The following CDYL variants were observed in gnomAD, a reference collection of about 807,000 sequenced individuals.
The protein encoded by CDYL is chromodomain Y-like protein.
In CDYL, 8 loss-of-function variants were observed where a neutral mutation model predicts 47.3. That is an observed-to-expected ratio of 0.17 (90% confidence interval 0.10 to 0.31). The LOEUF (loss-of-function observed/expected upper bound fraction) is 0.31. Among genes scored for constraint, CDYL ranks in the 10% least tolerant of loss-of-function variants. The pLI, the probability that CDYL is intolerant of heterozygous loss-of-function variation, is 1.00. For missense variants in CDYL, 471 were observed against 701.4 expected, an observed-to-expected ratio of 0.67 and a Z score of 3.71; for synonymous variants, 266 against 265.0, an observed-to-expected ratio of 1.00 and a Z score of -0.04.
chr6:4,848,556 A>G (rs1174150013), intron 1 of CDYL, among the ~76,000 whole-genome samples: 1 of 152,262 alleles, frequency 6.6e-6, no homozygotes, highest in Non-Finnish European at 1.5e-5. Context: ...AAGGTCTTCG[A>G]CACAGGAGAG....
chr6:4,813,338 T>C (rs1759579553), intron 1 of CDYL, among the ~76,000 whole-genome samples: 2 of 152,230 alleles, frequency 1.3e-5, no homozygotes, highest in Non-Finnish European at 2.9e-5. Flanking sequence ...TTGTAGATAT[T>C]CTATCCAGAT....
intron 3 of CDYL, among the ~76,000 whole-genome samples, chr6:4,739,449 G>A (rs1254230495): frequency 6.7e-6 from 1 of 149,402 alleles, no homozygotes; most frequent in Non-Finnish European, 1.5e-5. Context: ...AATCTGGGAG[G>A]CAGAGGTTGC....
At chr6:4,837,757 G>A (rs57143473) in intron 1 of CDYL, among the ~76,000 whole-genome samples, 3,405 of 149,340 alleles carry the variant, frequency 0.023, 136 homozygotes, top group African/African-American at 0.079. Flanking sequence ...GAGCCACCGC[G>A]CCCGGCCTCT....
chr6:4,883,532 C>T (rs1761820628), intron 1 of CDYL, among the ~76,000 whole-genome samples: 1 of 152,204 alleles, frequency 6.6e-6, no homozygotes, highest in South Asian at 2.1e-4. Flanking sequence ...TACTCATGGC[C>T]ATGGCACAGA....
At chr6:4,890,330 G>C (rs990311930) in intron 1 of CDYL, among the ~76,000 whole-genome samples, 8 of 152,080 alleles carry the variant, frequency 5.3e-5, no homozygotes, top group Admixed American at 2.6e-4. Context: ...GGGAAAAATC[G>C]CTTTCAAGAG....
intron 2 of CDYL, among the ~76,000 whole-genome samples, chr6:4,925,959 C>T (rs1477690694): frequency 6.6e-6 from 1 of 152,180 alleles, no homozygotes; most frequent in Non-Finnish European, 1.5e-5. Context: ...TTATAACATA[C>T]AACTAGTTAG....
At chr6:4,851,496 T>G (rs1400326871) in intron 1 of CDYL, among the ~76,000 whole-genome samples, 2 of 152,236 alleles carry the variant, frequency 1.3e-5, no homozygotes, top group Admixed American at 6.5e-5. Context: ...CTGGGACAGC[T>G]CCTCTCTTGT....
intron 2 of CDYL, among the ~76,000 whole-genome samples, chr6:4,894,375 G>C (rs936097281): frequency 1.3e-5 from 2 of 152,204 alleles, no homozygotes; most frequent in Non-Finnish European, 2.9e-5. Context: ...ATGAGCTATA[G>C]TCCGTGGGCT....
At chr6:4,926,459 C>T (rs1477405585) in intron 2 of CDYL, among the ~76,000 whole-genome samples, 1 of 150,956 alleles carries the variant, frequency 6.6e-6, no homozygotes, top group Admixed American at 6.6e-5. Context: ...AGTTTTTGAA[C>T]TCTTTTTGCA....
intron 1 of CDYL, among the ~76,000 whole-genome samples, chr6:4,805,820 TTTCCTTAG>T (rs1759352766): frequency 6.6e-6 from 1 of 152,232 alleles, no homozygotes; most frequent in African/African-American, 2.4e-5. Flanking sequence ...GCGGCTCTTC[TTTCCTTAG>T]TTCACTGATT....
chr6:4,741,434 T>G (rs1262186665), intron 3 of CDYL, among the ~76,000 whole-genome samples: 5 of 152,210 alleles, frequency 3.3e-5, no homozygotes, highest in African/African-American at 1.2e-4. Context: ...AAAAGAAACC[T>G]AGAGATAAGC....
chr6:4,915,613 C>G (rs1757535964), intron 2 of CDYL, among the ~76,000 whole-genome samples: 1 of 152,162 alleles, frequency 6.6e-6, no homozygotes, highest in Admixed American at 6.5e-5. Context: ...AACCAGATAC[C>G]AACTTCCAAC....
intron 6 of CDYL, 147 bp from the exon 7 acceptor site, chr6:4,953,751 G>A: frequency 2.9e-6 from 2 of 701,586 alleles, no homozygotes; most frequent in African/African-American, 1.8e-5. Flanking sequence ...CATATGTTAG[G>A]CCCGACATAT....
intron 1 of CDYL, among the ~76,000 whole-genome samples, chr6:4,709,561 C>T (rs1757112848): frequency 6.6e-6 from 1 of 152,154 alleles, no homozygotes; most frequent in South Asian, 2.1e-4. Context: ...GTCCCTTCCC[C>T]CACCTCCCCT....
chr6:4,776,087 T>TG (rs906378508), upstream of CDYL, among the ~76,000 whole-genome samples: 1 of 149,922 alleles, frequency 6.7e-6, no homozygotes, highest in African/African-American at 2.4e-5. Flanking sequence ...CGAGGCGGGC[T>TG]GGGGGGCGGT....
Position 4,737,379 on chromosome 6 carries a change from G to A in CDYL, c.186+2535G>A, listed in dbSNP as rs537086722. Among the ~76,000 whole-genome samples the A allele has an allele frequency of 8.6e-5, 13 of 151,756 alleles. No homozygotes were observed. The South Asian group carries it at 2.1e-3, about 24-fold the overall frequency. On this transcript the variant is annotated intron_variant, in intron 3 of 8. Transcript: ENST00000328908. ...CAACAAAAATTAAAAGGGGCCAGGC[G>A]CAGTGGCTCACGCCTGTAATCCCAG...
At chr6:4,882,096 C>T (rs1761778725) in intron 1 of CDYL, among the ~76,000 whole-genome samples, 1 of 152,216 alleles carries the variant, frequency 6.6e-6, no homozygotes, top group African/African-American at 2.4e-5. Context: ...GCACAGCACA[C>T]CGGAGCAGGA....
intron 1 of CDYL, among the ~76,000 whole-genome samples, chr6:4,875,876 A>G (rs1190851168): frequency 6.6e-6 from 1 of 152,236 alleles, no homozygotes; most frequent in Admixed American, 6.5e-5. Flanking sequence ...TTTTAAAGTA[A>G]ATGGAGACAT....
intron 3 of CDYL, among the ~76,000 whole-genome samples, chr6:4,763,605 G>A (rs1758208591): frequency 6.6e-6 from 1 of 152,110 alleles, no homozygotes; most frequent in South Asian, 2.1e-4. Context: ...TATTTTAAAG[G>A]AATATATGGC....
Sources: allele counts gnomAD v4.1 joint callset (sites outside exome capture counted in the v4.1 genomes callset), GRCh38; gene constraint gnomAD v4.1.1; transcripts MANE v1.5; gene names NCBI Gene and HGNC (gene_info 2026-07-23, HGNC 2026-07-21).